ADAMTS2: variants seen among roughly 807,000 people sequenced by gnomAD.
ADAMTS2 encodes ADAM metallopeptidase with thrombospondin type 1 motif 2.
In ADAMTS2, 50 loss-of-function variants were observed where a neutral mutation model predicts 123.0. The observed-to-expected ratio is 0.41, with a 90% confidence interval of 0.32 to 0.51. The LOEUF (loss-of-function observed/expected upper bound fraction) is 0.51. ADAMTS2 is among the 20% of genes least tolerant of loss of function. The probability of loss-of-function intolerance (pLI) is 0.35; values close to 1 mark genes in which losing one functional copy is unlikely to be tolerated. For missense variants in ADAMTS2, 1,494 were observed against 1,705.2 expected (o/e 0.88, Z 2.18); for synonymous variants, 678 against 695.4 (o/e 0.98, Z 0.39).
chr5:179,319,231 GAC>G (rs1410443760), intron 2 of ADAMTS2, among the ~76,000 whole-genome samples: 1 of 152,186 alleles, frequency 6.6e-6, no homozygotes, highest in African/African-American at 2.4e-5. Flanking sequence ...CATCTCCTGT[GAC>G]ACATGCATCA....
At position 179,296,274 on chromosome 5, in the gene ADAMTS2, C is replaced by A. The variant is rs529461575; in HGVS notation, c.535-23210G>T. Reference sequence around the variant, plus strand: ...TCTGAGAATGCTGACAATGATGGGACCCGGGAGCAGCCGGAGCTCAAGGGA... The same window carrying A: ...TCTGAGAATGCTGACAATGATGGGAACCGGGAGCAGCCGGAGCTCAAGGGA... On this transcript the variant is annotated intron_variant, in intron 2 of 21. Coordinates refer to ENST00000251582, the MANE Select transcript of ADAMTS2 (RefSeq NM_014244.5). Among the ~76,000 whole-genome samples the A allele has an allele frequency of 1.3e-3, 205 of 152,034 alleles. 1 individual carries two copies. Among genetic ancestry groups the A allele is most frequent in the African/African-American group, 4.7e-3 (196 of 41,420 alleles).
chr5:179,127,824 C>CCTTG, intron 17 of ADAMTS2, 135 bp downstream of exon 17: 1 of 1,236,884 alleles, frequency 8.1e-7, no homozygotes, highest in Non-Finnish European at 1.2e-6. Flanking sequence ...GCCGCTAAGC[C>CCTTG]CTTGCCCACC....
intron 2 of ADAMTS2, among the ~76,000 whole-genome samples, chr5:179,334,370 C>T (rs1018784745): frequency 1.3e-5 from 2 of 152,192 alleles, no homozygotes; most frequent in African/African-American, 2.4e-5. Flanking sequence ...ATCGCAACAC[C>T]TCTGGCTTTT....
chr5:179,345,274 G>A lies in ADAMTS2; in HGVS notation c.55C>T (p.Leu19=). 8.6e-7 allele frequency: 1 copy of A among 1,159,560 alleles called. No homozygotes were observed. The highest frequency in any genetic ancestry group is 1.1e-6 in the Non-Finnish European group (1 of 946,372). 71.8% of individuals were successfully genotyped at this position (1,159,560 alleles called of 1,614,324 possible). ...AGCGGCGGCGGCAGCAGCAGCAGCAGCAGCAGCAGCGCGGGGCAGAGCAGG... is the reference window on the plus strand; with the variant it reads ...AGCGGCGGCGGCAGCAGCAGCAGCAACAGCAGCAGCGCGGGGCAGAGCAGG... The part of the protein sequence containing the change: ...RRLLCPALLL[L]LLLLPPPLLP... The change falls in exon 1 of 22, where the codon CTG becomes TTG. Residue 19 remains leucine (L), a synonymous_variant. Transcript: ENST00000251582. This position sits in a 1 kb window ranked among gnomAD's most constrained non-coding sequence, Gnocchi z 7.5.
rs1755983585 is a variant in ADAMTS2, at chr5:179,285,120, A to G, written c.535-12056T>C. Among the ~76,000 whole-genome samples the G allele has an allele frequency of 6.6e-6, 1 of 152,248 alleles. No individual in the cohort carries two copies. ...GCCGACTGGCAGCACCATCACCATC[A>G]TGATGATCATGGCATGACAGCTGTT... On this transcript the variant is annotated intron_variant, in intron 2 of 21. Coordinates refer to ENST00000251582, the MANE Select transcript of ADAMTS2 (RefSeq NM_014244.5). The surrounding 1 kb of genome is among the most constrained non-coding windows in gnomAD (Gnocchi z 4.9).
At position 179,171,112 on chromosome 5, in the gene ADAMTS2, ATTTGCT is replaced by A. The variant is rs150139426; in HGVS notation, c.975+9954_975+9959del. Among the ~76,000 whole-genome samples, 1,055 of 152,312 alleles carry A rather than the reference ATTTGCT, an allele frequency of 6.9e-3. 7 individuals carry two copies. Among genetic ancestry groups the A allele is most frequent in the Non-Finnish European group, 0.011 (723 of 68,020 alleles). ...TTTTGGATACCTCGGTTTTTGTCAC[ATTTGCT>A]TTTCCCAGTAATTCATTTATAACGT... On this transcript the variant is annotated intron_variant, in intron 5 of 21. Transcript: ENST00000251582.
In ADAMTS2 at chr5:179,272,217, C is replaced by T. The variant is rs947163487; in HGVS notation, c.688+694G>A. Reference sequence around the variant, plus strand: ...TGGCACAGTGAGGCCAGATCTGAGGCGACAGTCATGGACTGTCACCATGGC... The same window carrying T: ...TGGCACAGTGAGGCCAGATCTGAGGTGACAGTCATGGACTGTCACCATGGC... On this transcript the variant is annotated intron_variant, in intron 3 of 21. Coordinates refer to ENST00000251582, the MANE Select transcript of ADAMTS2 (RefSeq NM_014244.5). This position sits in a 1 kb window ranked among gnomAD's most constrained non-coding sequence, Gnocchi z 5.8. Among the ~76,000 whole-genome samples, 1 of 152,194 alleles carries T rather than the reference C, an allele frequency of 6.6e-6. No homozygotes were observed.
intron 3 of ADAMTS2, among the ~76,000 whole-genome samples, chr5:179,219,435 G>T (rs1561812134): frequency 6.6e-6 from 1 of 152,226 alleles, no homozygotes; most frequent in Non-Finnish European, 1.5e-5. Flanking sequence ...CCATGGTTTG[G>T]CTTTGCAGCC....
intron 3 of ADAMTS2, among the ~76,000 whole-genome samples, chr5:179,252,694 A>G (rs2113471639): frequency 6.6e-6 from 1 of 152,288 alleles, no homozygotes; most frequent in African/African-American, 2.4e-5. Context: ...AGTTGTTACA[A>G]GTGTTTCCTA....
intron 3 of ADAMTS2, among the ~76,000 whole-genome samples, chr5:179,263,503 C>T (rs1198566034): frequency 6.6e-6 from 1 of 152,250 alleles, no homozygotes; most frequent in Admixed American, 6.5e-5. Flanking sequence ...GGCCCAGTGC[C>T]CAGGTCACCT....
chr5:179,271,531 C>G (rs888817567), intron 3 of ADAMTS2, among the ~76,000 whole-genome samples: 1 of 152,138 alleles, frequency 6.6e-6, no homozygotes, highest in South Asian at 2.1e-4. Flanking sequence ...GCCCCTTCCA[C>G]GCTGGCCCTC....
At chr5:179,226,434 T>A (rs78449500) in intron 3 of ADAMTS2, among the ~76,000 whole-genome samples, 3 of 29,670 alleles carry the variant, frequency 1.0e-4, no homozygotes, top group Non-Finnish European at 1.6e-4. Flanking sequence ...ACCTGGTTAA[T>A]TTTTTTTTTT....
intron 2 of ADAMTS2, among the ~76,000 whole-genome samples, chr5:179,273,897 C>T (rs1339511986): frequency 4.6e-5 from 7 of 152,088 alleles, no homozygotes; most frequent in Admixed American, 1.3e-4. Flanking sequence ...CCTCCCAGAC[C>T]GCGGCTTGCA....
intron 2 of ADAMTS2, among the ~76,000 whole-genome samples, chr5:179,339,132 C>A (rs1465771471): frequency 6.6e-6 from 1 of 152,222 alleles, no homozygotes; most frequent in Non-Finnish European, 1.5e-5. Context: ...ATAGGCCCCT[C>A]TTCATTCCAG....
In ADAMTS2 at chr5:179,307,178, T is replaced by C. The variant is rs932674267; in HGVS notation, c.535-34114A>G. Reference sequence around the variant, plus strand: ...TGAGACAGACACAGGGGGCCCGCACTGCAGAGCTGCCCCGGCCCACGCGCC... The same window carrying C: ...TGAGACAGACACAGGGGGCCCGCACCGCAGAGCTGCCCCGGCCCACGCGCC... On this transcript the variant is annotated intron_variant, in intron 2 of 21. Coordinates refer to ENST00000251582, the MANE Select transcript of ADAMTS2 (RefSeq NM_014244.5). This position sits in a 1 kb window ranked among gnomAD's most constrained non-coding sequence, Gnocchi z 5.6. Among the ~76,000 whole-genome samples, 3 of 152,172 alleles carry C rather than the reference T, an allele frequency of 2.0e-5. No individual in the cohort carries two copies. Among genetic ancestry groups the C allele is most frequent in the Non-Finnish European group, 2.9e-5 (2 of 68,014 alleles).
intron 3 of ADAMTS2, among the ~76,000 whole-genome samples, chr5:179,223,536 A>ACACACGAATGCACT (rs1554131692): frequency 4.5e-4 from 18 of 39,866 alleles, no homozygotes; most frequent in East Asian, 7.4e-3. Context: ...ACATGCACTC[A>ACACACGAATGCACT]CACTCACACG....
chr5:179,194,702 A>G (rs1764380459), intron 4 of ADAMTS2, among the ~76,000 whole-genome samples: 1 of 152,144 alleles, frequency 6.6e-6, no homozygotes, highest in African/African-American at 2.4e-5. Context: ...TGTCTCTCTC[A>G]GTCTCAGTGA....
chr5:179,169,100 T>G (rs1407795473), intron 5 of ADAMTS2, among the ~76,000 whole-genome samples: 1 of 152,196 alleles, frequency 6.6e-6, no homozygotes, highest in African/African-American at 2.4e-5. Flanking sequence ...TCCCCCACAT[T>G]TGAAAGGTTG....
At chr5:179,196,843 C>T (rs1259811716) in intron 4 of ADAMTS2, among the ~76,000 whole-genome samples, 1 of 152,198 alleles carries the variant, frequency 6.6e-6, no homozygotes, top group Non-Finnish European at 1.5e-5. Flanking sequence ...TGTTGTAGCA[C>T]AAAAATGGCC....
Sources: allele counts gnomAD v4.1 joint callset (sites outside exome capture counted in the v4.1 genomes callset), GRCh38; gene constraint gnomAD v4.1.1; non-coding constraint Gnocchi (gnomAD v3.1); transcripts MANE v1.5; gene names NCBI Gene and HGNC (gene_info 2026-07-23, HGNC 2026-07-21).